CAB39: variants seen among roughly 807,000 people sequenced by gnomAD.
CAB39 encodes calcium binding protein 39.
A neutral mutation model predicts 40.0 loss-of-function variants in CAB39; 8 were observed. The ratio of observed to expected loss-of-function variants is 0.20; its 90% CI spans 0.12 to 0.36. The LOEUF (loss-of-function observed/expected upper bound fraction) is 0.36. Ranked by LOEUF, CAB39 falls within the 10% of genes least tolerant of loss-of-function variation. CAB39 has a pLI of 1.00. For missense variants in CAB39, 270 were observed against 401.1 expected (o/e 0.67, Z 2.79); for synonymous variants, 156 against 141.6 (o/e 1.10, Z -0.72).
chr2:230,807,423 C>G (rs1274367566), intron 5 of CAB39, among the ~76,000 whole-genome samples: 3 of 150,958 alleles, frequency 2.0e-5, no homozygotes, highest in African/African-American at 2.4e-5. Flanking sequence ...CCCAACCCCC[C>G]ACCCCAGGCC....
At chr2:230,730,179 G>C (rs1694661728) in intron 1 of CAB39, among the ~76,000 whole-genome samples, 1 of 152,070 alleles carries the variant, frequency 6.6e-6, no homozygotes, top group Non-Finnish European at 1.5e-5. Context: ...GCACGATCAT[G>C]GTTCACTTCA....
chr2:230,732,438 C>T lies in CAB39; in HGVS notation c.-44+19208C>T, dbSNP rs536967789. The stretch of plus-strand genomic sequence containing the variant: ...CAGGTTTATCAGTCAGTTTTAAGAC[C>T]CCTTACTTGGGTTTTAGGAAACATC... On this transcript the variant is annotated intron_variant, in intron 1 of 8. Coordinates refer to ENST00000258418, the MANE Select transcript of CAB39 (RefSeq NM_016289.4). Among the ~76,000 whole-genome samples, 3 of 152,068 alleles carry T rather than the reference C, an allele frequency of 2.0e-5. No homozygotes were observed. The East Asian group carries it at 5.8e-4, about 29-fold the overall frequency.
chr2:230,737,175 A>T (rs1013966516), intron 1 of CAB39, among the ~76,000 whole-genome samples: 1 of 152,192 alleles, frequency 6.6e-6, no homozygotes, highest in African/African-American at 2.4e-5. Flanking sequence ...TTTTAAATTG[A>T]TGACACTGAA....
At chr2:230,771,054 A>G (rs1695474187) in intron 2 of CAB39, among the ~76,000 whole-genome samples, 1 of 152,222 alleles carries the variant, frequency 6.6e-6, no homozygotes, top group Non-Finnish European at 1.5e-5. Context: ...GCAGTCAGGC[A>G]ATAAAAATAA....
At chr2:230,814,863 G>T (rs534638214) in intron 7 of CAB39, among the ~76,000 whole-genome samples, 1 of 152,310 alleles carries the variant, frequency 6.6e-6, no homozygotes, top group South Asian at 2.1e-4. Flanking sequence ...CTGTCAGTAA[G>T]CAGTCCCAAC....
chr2:230,787,194 T>C (rs1336795082), intron 2 of CAB39, among the ~76,000 whole-genome samples: 1 of 152,224 alleles, frequency 6.6e-6, no homozygotes, highest in East Asian at 1.9e-4. Flanking sequence ...AAAAAACCTT[T>C]GGAATATAAC....
chr2:230,723,947 AAATAGCAT>A (rs1694503183), intron 1 of CAB39, among the ~76,000 whole-genome samples: 1 of 152,204 alleles, frequency 6.6e-6, no homozygotes, highest in South Asian at 2.1e-4. Context: ...TTCAGTATGC[AAATAGCAT>A]AAAGAGGGTC....
At position 230,771,895 on chromosome 2, in the gene CAB39, AAGAT is replaced by A. The variant is rs575797032; in HGVS notation, c.114+11783_114+11786del. Among the ~76,000 whole-genome samples, 234 of 152,366 alleles carry A rather than the reference AAGAT, an allele frequency of 1.5e-3. 1 individual carries two copies. Among genetic ancestry groups the A allele is most frequent in the Non-Finnish European group, 3.0e-3 (205 of 68,034 alleles). ...GTGCTGAAACTATTTAGTAGGCAGA[AAGAT>A]AGGACTCAGACCTCATACCATATTT... is the stretch of plus-strand genomic sequence containing the variant. On this transcript the variant is annotated intron_variant, in intron 2 of 8. Coordinates refer to ENST00000258418, the MANE Select transcript of CAB39 (RefSeq NM_016289.4).
intron 4 of CAB39, among the ~76,000 whole-genome samples, chr2:230,794,408 A>G (rs1200147334): frequency 6.6e-6 from 1 of 152,176 alleles, no homozygotes; most frequent in Non-Finnish European, 1.5e-5. Flanking sequence ...AATTGTGGTG[A>G]TCTTAGAGCA....
intron 1 of CAB39, among the ~76,000 whole-genome samples, chr2:230,752,936 A>G (rs144970316): frequency 2.6e-4 from 40 of 152,310 alleles, no homozygotes; most frequent in African/African-American, 7.5e-4. Flanking sequence ...GAGGACATCT[A>G]TAGGGAGCAG....
At position 230,820,840 on chromosome 2, in the gene CAB39, A is replaced by C. The variant is rs1446768913; in HGVS notation, c.*2136A>C. ...TTGCATTTGAAGTTATGATCATTTAATATATTCATATTACCAAGACTATTA... is the reference window on the plus strand; with the variant it reads ...TTGCATTTGAAGTTATGATCATTTACTATATTCATATTACCAAGACTATTA... On this transcript the variant is annotated 3_prime_UTR_variant, in exon 9 of 9. Transcript: ENST00000258418. 6.6e-6 allele frequency: 1 copy of C among 152,646 alleles called. No homozygotes were observed. Among genetic ancestry groups the C allele is most frequent in the Non-Finnish European group, 1.5e-5 (1 of 68,040 alleles). 9.5% of individuals were successfully genotyped at this position (152,646 alleles called of 1,614,324 possible).
At chr2:230,775,097 A>C (rs1695562300) in intron 2 of CAB39, among the ~76,000 whole-genome samples, 1 of 152,256 alleles carries the variant, frequency 6.6e-6, no homozygotes, top group African/African-American at 2.4e-5. Context: ...TAAATGGGTA[A>C]ATATTTAGAG....
At chr2:230,798,965 T>TTCGG in intron 5 of CAB39, 68 bp downstream of exon 5, 1 of 1,226,560 alleles carries the variant, frequency 8.2e-7, no homozygotes, top group Non-Finnish European at 1.1e-6. Flanking sequence ...TAAACCTTCA[T>TTCGG]TGCCCTCCTA....
At chr2:230,795,984 T>C (rs1695979747) in intron 4 of CAB39, among the ~76,000 whole-genome samples, 1 of 152,204 alleles carries the variant, frequency 6.6e-6, no homozygotes, top group Admixed American at 6.5e-5. Context: ...CAGTCATTAC[T>C]TTCTTGTGTC....
At chr2:230,748,868 A>ATATATATATATATATATAT (rs1553669218) in intron 1 of CAB39, among the ~76,000 whole-genome samples, 11 of 123,372 alleles carry the variant, frequency 8.9e-5, no homozygotes, top group Admixed American at 1.7e-4. Flanking sequence ...ATATATATAT[A>ATATATATATATATATATAT]ACAAAATGGT....
chr2:230,803,847 C>T (rs1696139189), intron 5 of CAB39, among the ~76,000 whole-genome samples: 1 of 152,134 alleles, frequency 6.6e-6, no homozygotes, highest in Non-Finnish European at 1.5e-5. Flanking sequence ...AGATTCAATG[C>T]CATTCCCATC....
chr2:230,761,966 G>A (rs1032389312), intron 2 of CAB39, among the ~76,000 whole-genome samples: 1 of 152,006 alleles, frequency 6.6e-6, no homozygotes, highest in African/African-American at 2.4e-5. Flanking sequence ...GGAGTGTAGT[G>A]GCACGATCTC....
chr2:230,770,286 C>T (rs1162173304), intron 2 of CAB39, among the ~76,000 whole-genome samples: 2 of 152,092 alleles, frequency 1.3e-5, no homozygotes, highest in Admixed American at 6.5e-5. Flanking sequence ...GTGAGAGATT[C>T]CTGTAGTGAC....
chr2:230,728,701 C>T (rs749177793), intron 1 of CAB39, among the ~76,000 whole-genome samples: 14 of 152,192 alleles, frequency 9.2e-5, no homozygotes, highest in Non-Finnish European at 1.8e-4. Flanking sequence ...CCCCGAACCC[C>T]TAGGCTTAAG....
Sources: allele counts gnomAD v4.1 joint callset (sites outside exome capture counted in the v4.1 genomes callset), GRCh38; gene constraint gnomAD v4.1.1; transcripts MANE v1.5; gene names NCBI Gene and HGNC (gene_info 2026-07-23, HGNC 2026-07-21).